Variants in PLP1 observed in about 807,000 individuals in gnomAD.
The protein encoded by PLP1 is proteolipid protein 1.
A neutral mutation model predicts 18.5 loss-of-function variants in PLP1; 2 were observed. That is an observed-to-expected ratio of 0.11 (90% confidence interval 0.04 to 0.34). The LOEUF is 0.34. Ranked by LOEUF, PLP1 falls within the 10% of genes least tolerant of loss-of-function variation. The pLI is 1.00. For synonymous variants in PLP1, 86 were observed against 83.2 expected, an observed-to-expected ratio of 1.03 and a Z score of -0.19; for missense variants, 105 against 207.3, an observed-to-expected ratio of 0.51 and a Z score of 3.03.
intron 1 of PLP1, among the ~76,000 whole-genome samples, chrX:103,783,162 G>A (rs918742139): frequency 1.9e-4 from 21 of 111,925 alleles, no homozygotes; most frequent in Non-Finnish European, 3.6e-4. Flanking sequence ...AACAACAATC[G>A]ATTTCAGTTG....
At chrX:103,785,233 T>G (rs770378518) in intron 1 of PLP1, among the ~76,000 whole-genome samples, 1 of 111,111 alleles carries the variant, frequency 9.0e-6, no homozygotes, top group African/African-American at 3.3e-5. Context: ...CATACGCCCA[T>G]GCCCGGCTAA....
chrX:103,780,225 A>G (rs2074441202), intron 1 of PLP1: 1 of 112,787 alleles, frequency 8.9e-6, no homozygotes, highest in Admixed American at 9.4e-5. Context: ...TCACACTGCA[A>G]CAAGGAGAGA....
At chrX:103,778,014 A>T (rs1433945723) in intron 1 of PLP1, among the ~76,000 whole-genome samples, 3 of 112,308 alleles carry the variant, frequency 2.7e-5, no homozygotes, top group African/African-American at 9.7e-5. Context: ...AGGTTGTTTC[A>T]TCATGAAACA....
At chrX:103,778,228 G>A (rs1395491220) in intron 1 of PLP1, among the ~76,000 whole-genome samples, 3 of 112,452 alleles carry the variant, frequency 2.7e-5, no homozygotes, top group African/African-American at 9.7e-5. Flanking sequence ...TGAGAATCAA[G>A]TAACAATAAT....
At chrX:103,780,981 G>A (rs998997474) in intron 1 of PLP1, 10 of 145,422 alleles carry the variant, frequency 6.9e-5, no homozygotes, top group Non-Finnish European at 1.2e-4. Flanking sequence ...GGGAGGTGGG[G>A]CCAGTTTCTC....
In PLP1 at chrX:103,777,017, T is replaced by C; in HGVS notation, c.4+18T>C. The C allele has an allele frequency of 8.4e-7, 1 of 1,189,297 alleles. No homozygotes were observed. Among genetic ancestry groups the C allele is most frequent in the East Asian group, 3.0e-5 (1 of 33,690 alleles). ...AGACATGGGTAAGTTTCAAAAACTT[T>C]AGCATTGAAGATTCAAGAGGACACA... On this transcript the variant is annotated intron_variant, in intron 1 of 6. Transcript: ENST00000621218.
intron 1 of PLP1, among the ~76,000 whole-genome samples, chrX:103,784,172 G>A (rs1382480836): frequency 9.0e-6 from 1 of 111,575 alleles, no homozygotes; most frequent in Non-Finnish European, 1.9e-5. Flanking sequence ...GTGACTTCTT[G>A]TGTGCCTCTC....
chrX:103,786,257 C>T (rs898891644), intron 2 of PLP1: 1 of 1,121,185 alleles, frequency 8.9e-7, no homozygotes, highest in South Asian at 2.0e-5. Flanking sequence ...GCGGGAGGGG[C>T]ATATGTTTCT....
At chrX:103,781,225 G>A in intron 1 of PLP1, 1 of 302,470 alleles carries the variant, frequency 3.3e-6, no homozygotes, top group Non-Finnish European at 6.6e-6. Context: ...GGGAAAGGAG[G>A]GAGGGAGGGT....
chrX:103,792,565 CA>C lies in PLP1; in HGVS notation c.*1970del, dbSNP rs1180780033. ...GATAAACTTTTAGAAACTTATCTTA[CA>C]AAGTGTATTTTATAAAATTAAAGAA... On this transcript the variant is annotated 3_prime_UTR_variant, in exon 7 of 7. Coordinates refer to ENST00000621218, the MANE Select transcript of PLP1 (RefSeq NM_000533.5). 4.4e-5 allele frequency: 5 copies of C among 112,372 alleles called. No individual in the cohort carries two copies. Among genetic ancestry groups the C allele is most frequent in the African/African-American group, 1.6e-4 (5 of 30,874 alleles). The allele number at this position is 112,372 out of a possible 1,213,427, so 9.3% of individuals were successfully genotyped here.
chrX:103,780,439 CTGTGTG>C (rs1211292879), intron 1 of PLP1, among the ~76,000 whole-genome samples: 1 of 102,514 alleles, frequency 9.8e-6, no homozygotes, highest in Non-Finnish European at 2.0e-5. Flanking sequence ...CTGTCTCTCT[CTGTGTG>C]TGTGTGTGTG....
At chrX:103,790,418 CT>C (rs753486006) in intron 6 of PLP1, 108 bp from the exon 7 acceptor site, 2 of 635,941 alleles carry the variant, frequency 3.1e-6, no homozygotes, top group Non-Finnish European at 5.4e-6. Flanking sequence ...GGGTTTTTCC[CT>C]TATTTAGTTA....
rs761733192 is a variant in PLP1 at position 103,786,795 on chromosome X, C to T, written c.453+69C>T. The T allele has an allele frequency of 7.3e-6, 8 of 1,093,838 alleles. No individual in the cohort carries two copies. The South Asian group carries it at 9.3e-5, about 13-fold the overall frequency. The allele number at this position is 1,093,838 out of a possible 1,213,427, so 90.1% of individuals were successfully genotyped here. ...AAAATTGGGCGCGAGTCTGTGGCCT[C>T]GTCCCCACCCAAGGCTGGGTCCTCT... On this transcript the variant is annotated intron_variant, in intron 3 of 6. Transcript: ENST00000621218.
chrX:103,778,475 C>T (rs935681292), intron 1 of PLP1, among the ~76,000 whole-genome samples: 2 of 111,350 alleles, frequency 1.8e-5, no homozygotes, highest in East Asian at 2.8e-4. Flanking sequence ...TAATGTCAGC[C>T]GAGCTGACTG....
intron 1 of PLP1, among the ~76,000 whole-genome samples, chrX:103,782,009 A>C (rs1019674923): frequency 8.9e-6 from 1 of 112,333 alleles, no homozygotes; most frequent in Non-Finnish European, 1.9e-5. Flanking sequence ...GTGAAAAATC[A>C]AAGGGAGCCC....
intron 3 of PLP1, chrX:103,786,933 A>G: frequency 2.2e-6 from 1 of 447,852 alleles, no homozygotes; most frequent in Non-Finnish European, 3.9e-6. Flanking sequence ...CCCTAAGCAA[A>G]TTTCTTCTCA....
At chrX:103,788,674 T>C (rs1333659643) in intron 5 of PLP1, 164 bp downstream of exon 5, 5 of 523,470 alleles carry the variant, frequency 9.6e-6, no homozygotes, top group Admixed American at 2.6e-5. Flanking sequence ...CCAATGAGCA[T>C]AGAAGGTAAA....
rs764723428 is a variant in PLP1, at chrX:103,786,471, T to C, written c.198T>C (p.His66=). The C allele has an allele frequency of 5.8e-6, 7 of 1,209,164 alleles. No individual in the cohort carries two copies. In the East Asian group the frequency reaches 2.1e-4, roughly 36 times the overall value. Residue 66 remains histidine, a synonymous_variant, in exon 3 of 7, where the codon CAT becomes CAC. Transcript: ENST00000621218. ...TGTCTACCTGTTAATGCAGGATCCA[T>C]GCCTTCCAGTATGTCATCTATGGAA... ...QDYEYLINVI[H]AFQYVIYGTA...
chrX:103,784,730 CCT>C (rs2074480443), intron 1 of PLP1, among the ~76,000 whole-genome samples: 1 of 112,097 alleles, frequency 8.9e-6, no homozygotes, highest in Non-Finnish European at 1.9e-5. Context: ...GTGCATTTAC[CCT>C]CTGTTACCAC....
Sources: gnomAD v4.1 joint callset for allele counts (sites outside exome capture counted in the v4.1 genomes callset) on GRCh38, gnomAD v4.1.1 for gene constraint, MANE v1.5 for transcripts, NCBI Gene and HGNC (gene_info 2026-07-23, HGNC 2026-07-21) for gene names.